The following UNC79 variants were observed in gnomAD, a reference collection of about 807,000 sequenced individuals.
The protein encoded by UNC79 is protein unc-79 homolog.
Under a neutral mutation model 283.1 loss-of-function variants are expected in UNC79, and 37 were observed. The ratio of observed to expected loss-of-function variants is 0.13; its 90% CI spans 0.10 to 0.17. UNC79 has a LOEUF of 0.17. Ranked by LOEUF, UNC79 falls within the 10% of genes least tolerant of loss-of-function variation. The pLI is 1.00. For missense variants in UNC79, 2,272 were observed against 3,211.1 expected, an observed-to-expected ratio of 0.71 and a Z score of 7.07; for synonymous variants, 1,107 against 1,200.2, an observed-to-expected ratio of 0.92 and a Z score of 1.61.
rs1224502966 is a variant in UNC79 at position 93,537,095 on chromosome 14, A to C, written c.1123-894A>C. ...TGAGTTCATAAAGCCTTAGAGTCTA[A>C]CGCCCCCTTGGGGGTGTTCACATCT... On this transcript the variant is annotated intron_variant, in intron 11 of 48. Transcript: ENST00000555664. Among the ~76,000 whole-genome samples, 3 of 152,280 alleles carry C rather than the reference A, an allele frequency of 2.0e-5. No homozygotes were observed. The South Asian group carries it at 6.2e-4, about 32-fold the overall frequency.
intron 1 of UNC79, among the ~76,000 whole-genome samples, chr14:93,344,345 C>T (rs1418365459): frequency 6.6e-6 from 1 of 152,166 alleles, no homozygotes; most frequent in African/African-American, 2.4e-5. Context: ...TGCAGCACCA[C>T]CTAGTTTAAG....
chr14:93,461,432 G>A (rs901609241), intron 1 of UNC79, among the ~76,000 whole-genome samples: 5 of 152,110 alleles, frequency 3.3e-5, no homozygotes, highest in African/African-American at 9.7e-5. Context: ...CCCAAGAAAC[G>A]GTGAGGATAG....
rs576434898 is a variant in UNC79 at position 93,577,125 on chromosome 14, G to A, written c.2212-717G>A. On this transcript the variant is annotated intron_variant, in intron 17 of 48. Transcript: ENST00000555664. ...TGAGGTGGGAGGATTGCTTGAGAGTGAGAGGTCAAGCCTGCAGAGAGCCGT... is the reference window on the plus strand; with the variant it reads ...TGAGGTGGGAGGATTGCTTGAGAGTAAGAGGTCAAGCCTGCAGAGAGCCGT... 4.6e-5 allele frequency among the ~76,000 whole-genome samples: 7 copies of A among 151,744 alleles called. No individual in the cohort carries two copies. In the South Asian group the frequency reaches 1.2e-3, roughly 27 times the overall value.
At chr14:93,374,590 G>A (rs770660957) in intron 1 of UNC79, among the ~76,000 whole-genome samples, 10 of 152,224 alleles carry the variant, frequency 6.6e-5, no homozygotes, top group African/African-American at 1.7e-4. Context: ...TTAGGAAGGC[G>A]TACAATGGCA....
intron 10 of UNC79, among the ~76,000 whole-genome samples, chr14:93,530,232 A>G (rs1157593608): frequency 6.6e-6 from 1 of 151,138 alleles, no homozygotes; most frequent in African/African-American, 2.4e-5. Flanking sequence ...GAGCAATAAT[A>G]TCAGCCTCTA....
At chr14:93,638,951 T>C (rs182198656) in intron 32 of UNC79, among the ~76,000 whole-genome samples, 2 of 152,374 alleles carry the variant, frequency 1.3e-5, no homozygotes, top group East Asian at 3.9e-4. Context: ...TAACTGAACC[T>C]GTCTGCTTTT....
At chr14:93,462,162 C>T (rs1293806310) in intron 1 of UNC79, among the ~76,000 whole-genome samples, 1 of 152,156 alleles carries the variant, frequency 6.6e-6, no homozygotes, top group Non-Finnish European at 1.5e-5. Context: ...CAAAATTAGC[C>T]AGATGTGGTG....
chr14:93,703,333 G>T (rs1423802316), intron 47 of UNC79, among the ~76,000 whole-genome samples: 1 of 152,184 alleles, frequency 6.6e-6, no homozygotes, highest in South Asian at 2.1e-4. Flanking sequence ...GTGTCGGCAG[G>T]GTTGGTTTCT....
At chr14:93,615,743 AAAGAAAAG>A (rs1433737551) in intron 27 of UNC79, among the ~76,000 whole-genome samples, 346 of 143,330 alleles carry the variant, frequency 2.4e-3, no homozygotes, top group South Asian at 5.1e-3. Context: ...AAAAAAAAAA[AAAGAAAAG>A]AAGAAAAGAA....
intron 22 of UNC79, among the ~76,000 whole-genome samples, chr14:93,592,933 T>C (rs1404901704): frequency 6.6e-6 from 1 of 152,152 alleles, no homozygotes; most frequent in African/African-American, 2.4e-5. Flanking sequence ...GCTTCTTAAA[T>C]GGAACTAAGT....
chr14:93,437,991 C>A (rs117173549), intron 1 of UNC79, among the ~76,000 whole-genome samples: 1,900 of 152,278 alleles, frequency 0.012, 18 homozygotes, highest in Middle Eastern at 0.027. Flanking sequence ...CAAACCACTA[C>A]AAACCTTATT....
chr14:93,567,932 A>G (rs1488907312), intron 14 of UNC79, among the ~76,000 whole-genome samples: 2 of 152,162 alleles, frequency 1.3e-5, no homozygotes, highest in Non-Finnish European at 2.9e-5. Context: ...GGCGGGGACA[A>G]CTCGAAACAG....
chr14:93,689,784 C>G (rs548454178), intron 44 of UNC79: 69 of 232,302 alleles, frequency 3.0e-4, no homozygotes, highest in Admixed American at 2.6e-4. Context: ...CCACCGCGCC[C>G]GGCCCACCAG....
chr14:93,649,951 A>G (rs1223807722), intron 35 of UNC79, among the ~76,000 whole-genome samples: 2 of 152,158 alleles, frequency 1.3e-5, no homozygotes, highest in Non-Finnish European at 2.9e-5. Context: ...TATTCCCAGA[A>G]AGTTCTCTCG....
chr14:93,592,679 A>G (rs1270861482), intron 22 of UNC79, among the ~76,000 whole-genome samples: 2 of 151,618 alleles, frequency 1.3e-5, no homozygotes, highest in Non-Finnish European at 3.0e-5. Context: ...AGTCAAATAG[A>G]AAACAAAACA....
At chr14:93,448,518 T>C (rs2056534970) in intron 1 of UNC79, among the ~76,000 whole-genome samples, 1 of 152,224 alleles carries the variant, frequency 6.6e-6, no homozygotes, top group Admixed American at 6.5e-5. Flanking sequence ...GATCAGAATA[T>C]ACTGACTTTT....
chr14:93,427,063 A>C (rs1482250798), upstream of UNC79, among the ~76,000 whole-genome samples: 1 of 152,168 alleles, frequency 6.6e-6, no homozygotes, highest in African/African-American at 2.4e-5. Flanking sequence ...ATTGAATATC[A>C]GTTTAGTTCT....
intron 12 of UNC79, among the ~76,000 whole-genome samples, chr14:93,539,579 G>A (rs1015217351): frequency 2.0e-5 from 3 of 151,816 alleles, no homozygotes; most frequent in African/African-American, 7.3e-5. Flanking sequence ...AAGGATAGAG[G>A]CCAAGTCTTT....
At chr14:93,597,619 C>T in intron 24 of UNC79, 79 bp downstream of exon 24, 1 of 1,444,066 alleles carries the variant, frequency 6.9e-7, no homozygotes, top group Non-Finnish European at 9.3e-7. Flanking sequence ...TTGTCACGTC[C>T]TAGTCTGTTT....
Sources: allele counts gnomAD v4.1 joint callset (sites outside exome capture counted in the v4.1 genomes callset), GRCh38; gene constraint gnomAD v4.1.1; transcripts MANE v1.5; gene names NCBI Gene and HGNC (gene_info 2026-07-23, HGNC 2026-07-21).